The following PDZD2 variants were observed in gnomAD, a reference collection of about 807,000 sequenced individuals.
PDZD2 encodes PDZ domain containing 2.
In PDZD2, 90 loss-of-function variants were observed where a neutral mutation model predicts 220.7. That is an observed-to-expected ratio of 0.41 (90% confidence interval 0.34 to 0.49). The LOEUF (loss-of-function observed/expected upper bound fraction) is 0.49, where lower values mean the gene tolerates loss of function less well. Among genes scored for constraint, PDZD2 ranks in the 20% least tolerant of loss-of-function variants. The pLI is 0.28. For synonymous variants in PDZD2, 1,375 were observed against 1,450.5 expected, an observed-to-expected ratio of 0.95 and a Z score of 1.18; for missense variants, 3,174 against 3,608.5, an observed-to-expected ratio of 0.88 and a Z score of 3.08.
chr5:31,893,235 A>T (rs916817107), intron 2 of PDZD2, among the ~76,000 whole-genome samples: 1 of 152,090 alleles, frequency 6.6e-6, no homozygotes, highest in Non-Finnish European at 1.5e-5. Flanking sequence ...TCCTGTCCCC[A>T]CGTTACTGCT....
At chr5:32,063,606 A>G (rs944352713) in intron 14 of PDZD2, among the ~76,000 whole-genome samples, 9 of 152,194 alleles carry the variant, frequency 5.9e-5, no homozygotes, top group Non-Finnish European at 1.2e-4. Flanking sequence ...CAGATCATCT[A>G]TTCTCATCCT....
intron 1 of PDZD2, among the ~76,000 whole-genome samples, chr5:31,757,810 C>T (rs1271246535): frequency 6.6e-6 from 1 of 152,200 alleles, no homozygotes; most frequent in Non-Finnish European, 1.5e-5. Context: ...CTGTCATTTG[C>T]CACCTGTGAG....
At chr5:31,850,050 AC>A (rs1237661605) in intron 2 of PDZD2, among the ~76,000 whole-genome samples, 2 of 118,014 alleles carry the variant, frequency 1.7e-5, no homozygotes. Context: ...ATATATATAT[AC>A]GTGTATATAT....
In PDZD2 at chr5:31,647,155, C is replaced by T. The variant is rs537932724; in HGVS notation, c.-361+7718C>T. On this transcript the variant is annotated intron_variant, in intron 1 of 24. Coordinates refer to ENST00000438447, the MANE Select transcript of PDZD2 (RefSeq NM_178140.4). ...TCAGCTTCCCAGGCTCCGTCTTTATCTTGAGGATCTCTGAAGACTGCCTCT... is the reference window on the plus strand; with the variant it reads ...TCAGCTTCCCAGGCTCCGTCTTTATTTTGAGGATCTCTGAAGACTGCCTCT... Among the ~76,000 whole-genome samples, 7 of 152,260 alleles carry T rather than the reference C, an allele frequency of 4.6e-5. No individual in the cohort carries two copies. The East Asian group carries it at 1.4e-3, about 29-fold the overall frequency.
chr5:32,054,987 C>A (rs1318482427), intron 10 of PDZD2, among the ~76,000 whole-genome samples: 1 of 152,198 alleles, frequency 6.6e-6, no homozygotes, highest in Non-Finnish European at 1.5e-5. Flanking sequence ...GTTCAATTCA[C>A]TTTCCCACCT....
intron 21 of PDZD2, among the ~76,000 whole-genome samples, chr5:32,094,253 G>C (rs1743441138): frequency 6.6e-6 from 1 of 152,170 alleles, no homozygotes; most frequent in Non-Finnish European, 1.5e-5. Context: ...CAGTAAATCA[G>C]TTGTGACAAT....
chr5:31,770,343 G>A (rs766720843), intron 1 of PDZD2, among the ~76,000 whole-genome samples: 4 of 152,140 alleles, frequency 2.6e-5, no homozygotes, highest in Non-Finnish European at 4.4e-5. Context: ...GGGAACTGAC[G>A]GAACCAATTG....
chr5:32,062,914 G>A (rs1260093727), intron 14 of PDZD2, among the ~76,000 whole-genome samples: 1 of 152,006 alleles, frequency 6.6e-6, no homozygotes, highest in Non-Finnish European at 1.5e-5. Flanking sequence ...ATGGCTCCAC[G>A]GGAGACCAGA....
intron 1 of PDZD2, among the ~76,000 whole-genome samples, chr5:31,711,348 T>C (rs1157797189): frequency 6.6e-6 from 1 of 152,120 alleles, no homozygotes; most frequent in Non-Finnish European, 1.5e-5. Flanking sequence ...TGACAGGGGA[T>C]GGGAAGGAAA....
intron 1 of PDZD2, among the ~76,000 whole-genome samples, chr5:31,771,717 C>T (rs544577044): frequency 6.6e-5 from 10 of 152,238 alleles, no homozygotes; most frequent in Non-Finnish European, 2.9e-5. Context: ...AGGTTAACTG[C>T]CTGGCAAGTT....
chr5:32,036,090 C>T (rs1166735133), intron 6 of PDZD2, among the ~76,000 whole-genome samples: 4 of 152,126 alleles, frequency 2.6e-5, no homozygotes, highest in Non-Finnish European at 5.9e-5. Context: ...ACTACAGGCA[C>T]CCGCCACCAT....
At chr5:31,885,517 A>G (rs1177649139) in intron 2 of PDZD2, among the ~76,000 whole-genome samples, 9 of 152,214 alleles carry the variant, frequency 5.9e-5, no homozygotes, top group Non-Finnish European at 1.2e-4. Flanking sequence ...ATGAAAACTA[A>G]ACATTTATCA....
In PDZD2 at chr5:32,058,000, G is replaced by A. The variant is rs375565833; in HGVS notation, c.2097G>A (p.Gly699=). 3.1e-6 allele frequency: 5 copies of A among 1,613,092 alleles called. No homozygotes were observed. The highest frequency in any genetic ancestry group is 2.2e-5 in the South Asian group (2 of 91,060). ...RSASPNFNTS[G]GASAGGSDEG... The stretch of plus-strand genomic sequence containing the variant: ...CCTCCCCGAACTTCAATACCAGTGG[G>A]GGAGCCTCAGCGGGAGGTTCCGATG... Residue 699 remains glycine, a synonymous_variant, in exon 12 of 25, where the codon GGG becomes GGA. Coordinates refer to ENST00000438447, the MANE Select transcript of PDZD2 (RefSeq NM_178140.4).
intron 1 of PDZD2, among the ~76,000 whole-genome samples, chr5:31,743,188 T>G (rs1750373011): frequency 6.6e-6 from 1 of 151,994 alleles, no homozygotes. Flanking sequence ...TTTTTTTTTT[T>G]TTTGATACAG....
chr5:32,011,364 T>TG (rs1160495081), intron 6 of PDZD2, among the ~76,000 whole-genome samples: 1 of 149,806 alleles, frequency 6.7e-6, no homozygotes, highest in Non-Finnish European at 1.5e-5. Flanking sequence ...CCAGGTGTGG[T>TG]GGGGCATGCC....
chr5:31,973,928 C>T (rs1561232308), intron 2 of PDZD2, among the ~76,000 whole-genome samples: 1 of 152,150 alleles, frequency 6.6e-6, no homozygotes, highest in Admixed American at 6.5e-5. Context: ...GAGGCTGAGG[C>T]AGGAGGATCA....
At chr5:31,963,420 C>T (rs71627340) in intron 2 of PDZD2, among the ~76,000 whole-genome samples, 3 of 152,142 alleles carry the variant, frequency 2.0e-5, no homozygotes, top group Admixed American at 6.5e-5. Context: ...CTTTTCTGAC[C>T]GGTAGGCCAG....
At chr5:31,874,105 G>A (rs114863594) in intron 2 of PDZD2, among the ~76,000 whole-genome samples, 357 of 152,234 alleles carry the variant, frequency 2.3e-3, no homozygotes, top group African/African-American at 8.2e-3. Context: ...TAGTCTTGAG[G>A]GGACAATTCC....
chr5:32,035,814 A>G (rs1311465715), intron 6 of PDZD2, among the ~76,000 whole-genome samples: 2 of 152,232 alleles, frequency 1.3e-5, no homozygotes, highest in Non-Finnish European at 2.9e-5. Flanking sequence ...CCCAACCCCA[A>G]TTGGGAGGAA....
Sources: gnomAD v4.1 joint callset for allele counts (sites outside exome capture counted in the v4.1 genomes callset) on GRCh38, gnomAD v4.1.1 for gene constraint, MANE v1.5 for transcripts, NCBI Gene and HGNC (gene_info 2026-07-23, HGNC 2026-07-21) for gene names.